Variants in ANKRD28 observed in about 807,000 individuals in gnomAD.
ANKRD28 encodes the protein ankyrin repeat domain 28.
In ANKRD28, 44 loss-of-function variants were observed where a neutral mutation model predicts 126.5. The ratio of observed to expected loss-of-function variants is 0.35; its 90% confidence interval spans 0.27 to 0.45. The LOEUF (loss-of-function observed/expected upper bound fraction) is 0.45. Among genes scored for constraint, ANKRD28 ranks in the 20% least tolerant of loss-of-function variants. The pLI is 1.00. For synonymous variants in ANKRD28, 442 were observed against 468.5 expected (o/e 0.94, Z 0.73); for missense variants, 1,110 against 1,316.6 (o/e 0.84, Z 2.43).
intron 18 of ANKRD28, among the ~76,000 whole-genome samples, chr3:15,687,191 C>T (rs2068230035): frequency 6.6e-6 from 1 of 152,102 alleles, no homozygotes; most frequent in African/African-American, 2.4e-5. Flanking sequence ...GATCCACCCA[C>T]CTCGGCCTCC....
At chr3:15,678,866 T>C (rs1354864840) in intron 23 of ANKRD28, among the ~76,000 whole-genome samples, 1 of 152,246 alleles carries the variant, frequency 6.6e-6, no homozygotes, top group African/African-American at 2.4e-5. Context: ...TGAGATCTTA[T>C]AACAATTTAT....
intron 4 of ANKRD28, among the ~76,000 whole-genome samples, chr3:15,749,235 C>T (rs1050566780): frequency 3.3e-4 from 50 of 150,740 alleles, no homozygotes; most frequent in African/African-American, 1.1e-3. Flanking sequence ...CTCAGCCTCC[C>T]GAGTAGCTGG....
intron 4 of ANKRD28, among the ~76,000 whole-genome samples, chr3:15,743,586 A>G (rs1289443810): frequency 2.1e-5 from 3 of 146,030 alleles, no homozygotes; most frequent in East Asian, 4.0e-4. Context: ...ACACACACAC[A>G]CACACACGCA....
rs1408097457 is a variant in ANKRD28 at position 15,690,117 on chromosome 3, A to G, written c.1865T>C (p.Phe622Ser). Residue 622 changes from phenylalanine to serine, a missense_variant, in exon 18 of 28, where the codon TTT (phenylalanine) becomes TCT (serine). Phe to Ser is a radical substitution (Grantham distance 155). Coordinates refer to ENST00000683139, the MANE Select transcript of ANKRD28 (RefSeq NM_001349278.2). ...SGRTPLDLAA[F>S]KGHVECVDVL... ...ATCCACACATTCAACATGGCCCTTAAAAGCTGCAAGATCTAGGGGTGTTCT... is the reference window on the plus strand; with the variant it reads ...ATCCACACATTCAACATGGCCCTTAGAAGCTGCAAGATCTAGGGGTGTTCT... 6.2e-7 allele frequency: 1 copy of G among 1,611,924 alleles called. No individual in the cohort carries two copies. The highest frequency in any genetic ancestry group is 1.3e-5 in the African/African-American group (1 of 75,034).
intron 27 of ANKRD28, among the ~76,000 whole-genome samples, chr3:15,673,635 G>C (rs1009168835): frequency 1.3e-5 from 2 of 152,190 alleles, no homozygotes; most frequent in Admixed American, 1.3e-4. Context: ...GCAAGTTGTA[G>C]TAAAGAATAG....
intron 2 of ANKRD28, among the ~76,000 whole-genome samples, chr3:15,776,144 C>T (rs1372952409): frequency 6.6e-6 from 1 of 152,226 alleles, no homozygotes; most frequent in Admixed American, 6.5e-5. Flanking sequence ...ATATCGTACA[C>T]TACATACTTC....
chr3:15,811,698 C>A (rs1355938714), intron 1 of ANKRD28, among the ~76,000 whole-genome samples: 2 of 151,788 alleles, frequency 1.3e-5, no homozygotes, highest in Non-Finnish European at 1.5e-5. Context: ...CGTGATCCGC[C>A]CACCTTGGCC....
chr3:15,766,953 C>T (rs1290861818), intron 2 of ANKRD28, among the ~76,000 whole-genome samples: 1 of 152,128 alleles, frequency 6.6e-6, no homozygotes, highest in East Asian at 1.9e-4. Context: ...AAAAGATTTG[C>T]TTATCAAAAT....
At chr3:15,769,465 T>A (rs1310678290) in intron 2 of ANKRD28, among the ~76,000 whole-genome samples, 1 of 152,210 alleles carries the variant, frequency 6.6e-6, no homozygotes, top group Admixed American at 6.5e-5. Context: ...AAAGCCTACA[T>A]ATCCAGATAA....
At chr3:15,706,706 A>G (rs1412270373) in intron 14 of ANKRD28, among the ~76,000 whole-genome samples, 3 of 152,188 alleles carry the variant, frequency 2.0e-5, no homozygotes, top group African/African-American at 7.2e-5. Context: ...AGTCCCACCA[A>G]CAGTATAAAA....
intron 6 of ANKRD28, among the ~76,000 whole-genome samples, chr3:15,730,546 A>C (rs1254861014): frequency 6.6e-6 from 1 of 152,230 alleles, no homozygotes; most frequent in Non-Finnish European, 1.5e-5. Context: ...GAATTCTCTG[A>C]ATATAACCTA....
chr3:15,673,875 C>T (rs1309110014), intron 27 of ANKRD28, among the ~76,000 whole-genome samples: 2 of 151,936 alleles, frequency 1.3e-5, no homozygotes, highest in Non-Finnish European at 2.9e-5. Flanking sequence ...GAGGACACAT[C>T]ATGTAGGGCC....
chr3:15,805,896 CACAA>C (rs2060566935), intron 1 of ANKRD28, among the ~76,000 whole-genome samples: 1 of 152,086 alleles, frequency 6.6e-6, no homozygotes. Flanking sequence ...TTCGTTATTT[CACAA>C]ACAAACTGAA....
At chr3:15,772,249 C>T (rs2059050207) in intron 2 of ANKRD28, among the ~76,000 whole-genome samples, 2 of 152,006 alleles carry the variant, frequency 1.3e-5, no homozygotes, top group Middle Eastern at 3.2e-3. Context: ...TATCAGTGAA[C>T]TCAAAAGCTG....
chr3:15,724,230 C>T (rs1054310044), intron 7 of ANKRD28, among the ~76,000 whole-genome samples, 152 bp downstream of exon 7: 15 of 152,090 alleles, frequency 9.9e-5, no homozygotes, highest in African/African-American at 3.4e-4. Context: ...TAAATCAGTG[C>T]ACTAGATATT....
chr3:15,818,900 G>A (rs2060886900), intron 1 of ANKRD28, among the ~76,000 whole-genome samples: 5 of 152,072 alleles, frequency 3.3e-5, no homozygotes, highest in Admixed American at 3.3e-4. Flanking sequence ...AAACTGATGT[G>A]AAATTCATAT....
intron 4 of ANKRD28, among the ~76,000 whole-genome samples, chr3:15,746,368 C>T (rs1470729919): frequency 6.6e-6 from 1 of 152,116 alleles, no homozygotes; most frequent in Non-Finnish European, 1.5e-5. Context: ...CTTCTATTAC[C>T]TTAAGATATG....
Position 15,786,355 on chromosome 3 carries a change from A to G in ANKRD28, c.201+8868T>C, listed in dbSNP as rs771577694. On this transcript the variant is annotated intron_variant, in intron 2 of 27. Transcript: ENST00000683139. ...ATTTAAAACTGCTCTACAACATAAA[A>G]TCTATTACAAAAAAAAAGCCAGACC... Among the ~76,000 whole-genome samples the G allele has an allele frequency of 2.6e-5, 4 of 152,060 alleles. No homozygotes were observed. The South Asian group carries it at 8.3e-4, about 32-fold the overall frequency.
intron 5 of ANKRD28, among the ~76,000 whole-genome samples, chr3:15,736,796 C>G (rs1335316911): frequency 1.3e-5 from 2 of 152,150 alleles, no homozygotes; most frequent in Admixed American, 1.3e-4. Flanking sequence ...CATACTTTTC[C>G]TGTTGTGTTA....
Sources: allele counts gnomAD v4.1 joint callset (sites outside exome capture counted in the v4.1 genomes callset), GRCh38; gene constraint gnomAD v4.1.1; transcripts MANE v1.5; gene names NCBI Gene and HGNC (gene_info 2026-07-23, HGNC 2026-07-21).